Variants in TBC1D4 observed in about 807,000 individuals in gnomAD.
The protein encoded by TBC1D4 is TBC1 domain family member 4.
TBC1D4 carries 121 observed loss-of-function variants against 142.5 expected under a neutral mutation model. The ratio of observed to expected loss-of-function variants is 0.85; its 90% CI spans 0.73 to 0.99. The LOEUF is 0.99. Ranked by LOEUF, TBC1D4 falls within the 50% of genes least tolerant of loss-of-function variation. TBC1D4 has a pLI of 0.00. For missense variants in TBC1D4, 1,475 were observed against 1,606.6 expected (o/e 0.92, Z 1.40); for synonymous variants, 630 against 628.2 (o/e 1.00, Z -0.04).
rs1254609145 is a variant in TBC1D4 at position 75,341,562 on chromosome 13, C to T, written c.1434G>A (p.Leu478=). ...GTGATGAGAGATGCCTCTGTATCAC[C>T]AGCTTGGCTCTTGGTGGGTAGAGAC... ...IEGLYPPRAK[L]VIQRHLSSLT... is the part of the protein sequence containing the mutation. The change falls in exon 6 of 21, where the codon CTG becomes CTA. Residue 478 remains leucine (L), a synonymous_variant. Coordinates refer to ENST00000377636, the MANE Select transcript of TBC1D4 (RefSeq NM_014832.5). The T allele has an allele frequency of 6.2e-7, 1 of 1,613,988 alleles. No individual in the cohort carries two copies. The highest frequency in any genetic ancestry group is 1.3e-5 in the African/African-American group (1 of 74,984).
intron 12 of TBC1D4, 100 bp from the exon 13 acceptor site, chr13:75,312,998 G>T (rs1352765317): frequency 7.4e-7 from 1 of 1,355,256 alleles, no homozygotes; most frequent in African/African-American, 1.4e-5. Flanking sequence ...TTCTGTCACG[G>T]GCAAGCACAA....
chr13:75,292,165 A>G lies in TBC1D4; in HGVS notation c.3423T>C (p.Val1141=), dbSNP rs763232105. The change falls in exon 19 of 21, where the codon GTT becomes GTC. Residue 1141 remains valine, a synonymous_variant. Coordinates refer to ENST00000377636, the MANE Select transcript of TBC1D4 (RefSeq NM_014832.5). ...IMECESFENI[V]EFLKNTLPDM... ...CAGGTAGCGTGTTTTTAAGAAACTC[A>G]ACAATATTTTCAAAGCTCTCACATT... 5 of 1,613,478 alleles carry G rather than the reference A, an allele frequency of 3.1e-6. No individual in the cohort carries two copies. The East Asian group carries it at 1.1e-4, about 36-fold the overall frequency.
At chr13:75,450,772 C>T (rs974527762) in intron 1 of TBC1D4, among the ~76,000 whole-genome samples, 1 of 152,156 alleles carries the variant, frequency 6.6e-6, no homozygotes, top group African/African-American at 2.4e-5. Flanking sequence ...CACCTGGTGG[C>T]CACAAGCCCC....
At chr13:75,338,002 C>T (rs189631007) in intron 7 of TBC1D4, among the ~76,000 whole-genome samples, 1 of 152,144 alleles carries the variant, frequency 6.6e-6, no homozygotes, top group East Asian at 1.9e-4. Flanking sequence ...GAAAATAAAA[C>T]CTTGAATGTT....
Position 75,349,271 on chromosome 13 carries a change from G to T in TBC1D4, c.1307C>A (p.Ala436Asp), listed in dbSNP as rs1881412817. 1 of 1,613,940 alleles carries T rather than the reference G, an allele frequency of 6.2e-7. No homozygotes were observed. The highest frequency in any genetic ancestry group is 8.5e-7 in the Non-Finnish European group (1 of 1,179,916). ...CTGCAGGGCAGCCGCCGTACTGAAG[G>T]CCTGTTTCAGAGTCAGCATTACCTC... ...VDEVMLTLKQ[A>D]FSTAAALQSA... The change falls in exon 5 of 21, where the codon GCC (alanine) becomes GAC (aspartate). Residue 436 changes from alanine (A) to aspartate (D), a missense_variant. Transcript: ENST00000377636.
chr13:75,303,285 C>G (rs910397979), intron 15 of TBC1D4, among the ~76,000 whole-genome samples: 1 of 151,926 alleles, frequency 6.6e-6, no homozygotes, highest in Non-Finnish European at 1.5e-5. Flanking sequence ...CCACTGCACT[C>G]CAGCCTGGGA....
intron 7 of TBC1D4, 21 bp downstream of exon 7, chr13:75,341,104 A>G: frequency 6.4e-7 from 1 of 1,574,450 alleles, no homozygotes; most frequent in Non-Finnish European, 8.7e-7. Context: ...AAAGTAGGTG[A>G]AGTAGGAAAT....
chr13:75,462,286 C>A (rs1432031360), intron 1 of TBC1D4, among the ~76,000 whole-genome samples: 1 of 152,126 alleles, frequency 6.6e-6, no homozygotes, highest in Non-Finnish European at 1.5e-5. Flanking sequence ...AGGTGTCCAA[C>A]GTTCTAAGCC....
intron 1 of TBC1D4, among the ~76,000 whole-genome samples, chr13:75,387,949 G>A (rs76082825): frequency 0.026 from 4,032 of 152,326 alleles, 86 homozygotes; most frequent in South Asian, 0.053. Context: ...GGTGCTGGCA[G>A]ACTGTGATAC....
At chr13:75,460,932 A>T (rs757890898) in intron 1 of TBC1D4, among the ~76,000 whole-genome samples, 3 of 152,134 alleles carry the variant, frequency 2.0e-5, no homozygotes, top group Non-Finnish European at 4.4e-5. Context: ...CAAAAAAACA[A>T]CAAAAAAGGA....
chr13:75,479,580 G>A (rs1206261914), intron 1 of TBC1D4, among the ~76,000 whole-genome samples: 1 of 152,068 alleles, frequency 6.6e-6, no homozygotes, highest in Non-Finnish European at 1.5e-5. Context: ...AATGTGTCAT[G>A]CATCAGATGT....
intron 1 of TBC1D4, among the ~76,000 whole-genome samples, chr13:75,422,523 G>A (rs565636474): frequency 1.3e-5 from 2 of 152,148 alleles, no homozygotes; most frequent in African/African-American, 4.8e-5. Context: ...AAAATATTGA[G>A]AATTTCTGCT....
intron 4 of TBC1D4, among the ~76,000 whole-genome samples, chr13:75,355,053 G>C (rs1184203846): frequency 6.6e-6 from 1 of 152,186 alleles, no homozygotes; most frequent in African/African-American, 2.4e-5. Flanking sequence ...AAGGCCAGAG[G>C]CTGCTGGTCA....
At chr13:75,291,765 C>T (rs1022526259) in intron 19 of TBC1D4, among the ~76,000 whole-genome samples, 2 of 152,144 alleles carry the variant, frequency 1.3e-5, no homozygotes, top group South Asian at 2.1e-4. Context: ...GTGTCCTCTT[C>T]GTTTATTTTA....
At chr13:75,438,365 T>C (rs1355134196) in intron 1 of TBC1D4, among the ~76,000 whole-genome samples, 1 of 152,230 alleles carries the variant, frequency 6.6e-6, no homozygotes, top group East Asian at 1.9e-4. Flanking sequence ...CAATATTAGC[T>C]GCTCCTGAAA....
intron 1 of TBC1D4, among the ~76,000 whole-genome samples, chr13:75,400,889 A>G (rs187760541): frequency 2.0e-5 from 3 of 152,238 alleles, no homozygotes; most frequent in East Asian, 3.9e-4. Context: ...ATGTGCAACC[A>G]TCACCCATCA....
At chr13:75,354,089 T>C (rs1881837617) in intron 4 of TBC1D4, among the ~76,000 whole-genome samples, 3 of 152,120 alleles carry the variant, frequency 2.0e-5, no homozygotes, top group South Asian at 4.1e-4. Flanking sequence ...ATCGAAGCAG[T>C]CTTTGTGGTC....
intron 12 of TBC1D4, among the ~76,000 whole-genome samples, chr13:75,318,525 G>C (rs1366837406): frequency 6.6e-6 from 1 of 152,172 alleles, no homozygotes; most frequent in Non-Finnish European, 1.5e-5. Context: ...GAAATGCTAA[G>C]TAAAACAATT....
At chr13:75,364,065 G>A (rs1461467355) in intron 1 of TBC1D4, among the ~76,000 whole-genome samples, 3 of 152,172 alleles carry the variant, frequency 2.0e-5, no homozygotes, top group Non-Finnish European at 4.4e-5. Context: ...ACAAAGGTGG[G>A]AGAACTCAAA....
Sources: gnomAD v4.1 joint callset for allele counts (sites outside exome capture counted in the v4.1 genomes callset) on GRCh38, gnomAD v4.1.1 for gene constraint, MANE v1.5 for transcripts, NCBI Gene and HGNC (gene_info 2026-07-23, HGNC 2026-07-21) for gene names.